IPCEF1: variants seen among roughly 807,000 people sequenced by gnomAD.
IPCEF1 encodes the protein interactor protein for cytohesin exchange factors 1.
Under a neutral mutation model 50.9 loss-of-function variants are expected in IPCEF1, and 31 were observed. That is an observed-to-expected ratio of 0.61 (90% CI 0.46 to 0.82). IPCEF1 has a LOEUF of 0.82. Ranked by LOEUF, IPCEF1 falls within the 40% of genes least tolerant of loss-of-function variation. The pLI is 0.00. For synonymous variants in IPCEF1, 181 were observed against 192.0 expected (o/e 0.94, Z 0.47); for missense variants, 458 against 514.0 (o/e 0.89, Z 1.05).
At chr6:154,198,986 G>C (rs1401270222) in intron 10 of IPCEF1, among the ~76,000 whole-genome samples, 1 of 152,170 alleles carries the variant, frequency 6.6e-6, no homozygotes, top group East Asian at 1.9e-4. Flanking sequence ...CGATTGAACA[G>C]TAATAAAAAT....
intron 1 of IPCEF1, chr6:154,306,654 A>C (rs1000001818): frequency 2.0e-5 from 3 of 152,450 alleles, no homozygotes; most frequent in Non-Finnish European, 2.9e-5. Flanking sequence ...ACACACAGCC[A>C]GGGCAGAGGA....
intron 1 of IPCEF1, among the ~76,000 whole-genome samples, chr6:154,353,220 T>C (rs1784146467): frequency 6.6e-6 from 1 of 152,160 alleles, no homozygotes; most frequent in African/African-American, 2.4e-5. Flanking sequence ...ACTAAAACAT[T>C]GCTTTTGTCG....
intron 7 of IPCEF1, chr6:154,219,291 T>C (rs1332079239): frequency 2.0e-5 from 3 of 151,922 alleles, no homozygotes; most frequent in Non-Finnish European, 4.4e-5. Flanking sequence ...ATTGTTTCTC[T>C]GCTACTCTGT....
chr6:154,336,754 C>T (rs1049888777), intron 1 of IPCEF1, among the ~76,000 whole-genome samples: 25 of 152,106 alleles, frequency 1.6e-4, no homozygotes, highest in Admixed American at 1.4e-3. Flanking sequence ...CAAGCATGTG[C>T]CACCATGCAC....
At chr6:154,229,597 C>A (rs997148007) in intron 5 of IPCEF1, among the ~76,000 whole-genome samples, 8 of 152,000 alleles carry the variant, frequency 5.3e-5, no homozygotes, top group African/African-American at 1.9e-4. Flanking sequence ...ACCTCATGAT[C>A]TGCCTGCCTT....
At chr6:154,288,676 CAAAAAAAAAAAAAAAAA>C (rs558703057) in intron 2 of IPCEF1, among the ~76,000 whole-genome samples, 668 of 46,946 alleles carry the variant, frequency 0.014, 9 homozygotes, top group African/African-American at 0.039. Flanking sequence ...ACAAAAAAAA[CAAAAAAAAAAAAAAAAA>C]AAAAAAAAAA....
At chr6:154,296,023 A>C (rs1782648277) in intron 1 of IPCEF1, among the ~76,000 whole-genome samples, 2 of 152,162 alleles carry the variant, frequency 1.3e-5, no homozygotes, top group African/African-American at 4.8e-5. Flanking sequence ...ATTAGTCCCA[A>C]ATTATTAGCT....
intron 10 of IPCEF1, among the ~76,000 whole-genome samples, chr6:154,198,843 A>C (rs1166865986): frequency 6.6e-6 from 1 of 152,204 alleles, no homozygotes; most frequent in African/African-American, 2.4e-5. Flanking sequence ...GAATTTAGCA[A>C]GTCAACTTTC....
intron 1 of IPCEF1, among the ~76,000 whole-genome samples, chr6:154,318,560 G>T (rs756970370): frequency 1.4e-4 from 21 of 151,824 alleles, no homozygotes; most frequent in Non-Finnish European, 2.9e-4. Flanking sequence ...TTAACAATAT[G>T]TATTTTCTTG....
chr6:154,247,506 A>G lies in IPCEF1; in HGVS notation c.37-18T>C, dbSNP rs762440983. The G allele has an allele frequency of 3.9e-5, 62 of 1,609,604 alleles. No homozygotes were observed. The East Asian group carries it at 1.4e-3, about 36-fold the overall frequency. On this transcript the variant is annotated intron_variant, in intron 3 of 11. Transcript: ENST00000367220. ...GGAACCTGCTGAAAATGCAGGAAGG[A>G]AAGAAAAGAGGAAATTTCTGATTGT... is the stretch of plus-strand genomic sequence containing the variant.
chr6:154,211,418 GAAAA>G (rs78285288), intron 9 of IPCEF1, among the ~76,000 whole-genome samples: 1 of 107,108 alleles, frequency 9.3e-6, no homozygotes, highest in African/African-American at 3.5e-5. Flanking sequence ...CAAAAACAAA[GAAAA>G]AAAAAAAAAA....
chr6:154,290,581 A>G (rs1782488613), intron 1 of IPCEF1, among the ~76,000 whole-genome samples: 1 of 152,210 alleles, frequency 6.6e-6, no homozygotes, highest in Non-Finnish European at 1.5e-5. Flanking sequence ...AGGAGGCAAG[A>G]ATCAAGTTGG....
At chr6:154,231,436 C>T (rs1028062080) in intron 5 of IPCEF1, among the ~76,000 whole-genome samples, 3 of 152,214 alleles carry the variant, frequency 2.0e-5, no homozygotes, top group African/African-American at 7.2e-5. Flanking sequence ...TGTGGAATGA[C>T]ATGTACATTG....
At chr6:154,312,635 C>G (rs1014602011) in intron 1 of IPCEF1, among the ~76,000 whole-genome samples, 3 of 151,934 alleles carry the variant, frequency 2.0e-5, no homozygotes, top group Admixed American at 2.0e-4. Context: ...TGTGAGCCAC[C>G]GCACCTGGCC....
At chr6:154,321,716 G>A (rs56698089) in intron 1 of IPCEF1, among the ~76,000 whole-genome samples, 3,228 of 146,474 alleles carry the variant, frequency 0.022, 123 homozygotes, top group African/African-American at 0.076. Context: ...GGAGGCAGAC[G>A]CTGCAGTGAG....
chr6:154,326,987 G>T (rs993302296), intron 1 of IPCEF1, among the ~76,000 whole-genome samples: 29 of 152,140 alleles, frequency 1.9e-4, no homozygotes, highest in African/African-American at 7.0e-4. Context: ...TTCAATAAAT[G>T]GTGCTGAAAT....
chr6:154,197,843 G>C (rs1583773757), intron 10 of IPCEF1, among the ~76,000 whole-genome samples: 1 of 152,274 alleles, frequency 6.6e-6, no homozygotes, highest in East Asian at 1.9e-4. Context: ...GTGTGTGTTT[G>C]AAATTTTTTT....
intron 10 of IPCEF1, among the ~76,000 whole-genome samples, chr6:154,194,776 A>C (rs982703810): frequency 6.6e-6 from 1 of 150,396 alleles, no homozygotes; most frequent in Non-Finnish European, 1.5e-5. Flanking sequence ...GCATAACTTC[A>C]TGACAACTCA....
At chr6:154,285,461 C>A (rs956218005) in intron 2 of IPCEF1, among the ~76,000 whole-genome samples, 3 of 152,062 alleles carry the variant, frequency 2.0e-5, no homozygotes, top group Admixed American at 6.6e-5. Context: ...TTTTAGAAAG[C>A]TATACCCATA....
Sources: allele counts gnomAD v4.1 joint callset (sites outside exome capture counted in the v4.1 genomes callset), GRCh38; gene constraint gnomAD v4.1.1; transcripts MANE v1.5; gene names NCBI Gene and HGNC (gene_info 2026-07-23, HGNC 2026-07-21).